RPS6KA2: variants seen among roughly 807,000 people sequenced by gnomAD.
The protein encoded by RPS6KA2 is ribosomal protein S6 kinase A2, also known as ribosomal protein S6 kinase alpha-2.
RPS6KA2 carries 42 observed loss-of-function variants against 91.8 expected under a neutral mutation model. The observed-to-expected ratio is 0.46, with a 90% CI of 0.36 to 0.59. The LOEUF (loss-of-function observed/expected upper bound fraction) is 0.59, where lower values mean the gene tolerates loss of function less well. Ranked by LOEUF, RPS6KA2 falls within the 20% of genes least tolerant of loss-of-function variation. The pLI, the probability that RPS6KA2 is intolerant of heterozygous loss-of-function variation, is 0.00. For missense variants in RPS6KA2, 798 were observed against 978.5 expected, an observed-to-expected ratio of 0.82 and a Z score of 2.46; for synonymous variants, 414 against 393.6, an observed-to-expected ratio of 1.05 and a Z score of -0.61.
intron 2 of RPS6KA2, among the ~76,000 whole-genome samples, chr6:166,791,260 G>A (rs1221239441): frequency 6.6e-6 from 1 of 152,126 alleles, no homozygotes; most frequent in Non-Finnish European, 1.5e-5. Context: ...GATCAAAAGA[G>A]ACAATGAAGG....
intron 2 of RPS6KA2, among the ~76,000 whole-genome samples, chr6:166,837,374 T>G (rs896366099): frequency 2.6e-5 from 4 of 152,204 alleles, no homozygotes; most frequent in African/African-American, 9.7e-5. Context: ...AGGCTCACTG[T>G]GGAGCAGGGG....
intron 1 of RPS6KA2, among the ~76,000 whole-genome samples, chr6:166,550,515 T>C (rs1441403845): frequency 2.0e-5 from 3 of 152,200 alleles, no homozygotes; most frequent in Non-Finnish European, 4.4e-5. Flanking sequence ...ATTCCTCCCG[T>C]GCATGAACAT....
chr6:166,737,616 G>A lies in RPS6KA2; in HGVS notation c.123+120584C>T, dbSNP rs1232234121. ...GGAAACTACTACTGACTCCTTTTAAGCTTCTAAGACATTCACTGAGGGGCC... is the reference window on the plus strand; with the variant it reads ...GGAAACTACTACTGACTCCTTTTAAACTTCTAAGACATTCACTGAGGGGCC... On this transcript the variant is annotated intron_variant, in intron 2 of 21. Transcript: ENST00000503859. The surrounding 1 kb of genome is among the most constrained non-coding windows in gnomAD (Gnocchi z 4.3). Among the ~76,000 whole-genome samples, 2 of 152,112 alleles carry A rather than the reference G, an allele frequency of 1.3e-5. No individual in the cohort carries two copies.
chr6:166,773,249 G>C (rs73035537), intron 2 of RPS6KA2, among the ~76,000 whole-genome samples: 17 of 152,320 alleles, frequency 1.1e-4, no homozygotes, highest in Admixed American at 1.0e-3. Flanking sequence ...GGCAGGGAAG[G>C]GGGTGAGGAG....
At chr6:166,481,695 G>A (rs573789762) in intron 10 of RPS6KA2, among the ~76,000 whole-genome samples, 5 of 151,772 alleles carry the variant, frequency 3.3e-5, no homozygotes, top group East Asian at 2.0e-4. Flanking sequence ...GCTGCAGCGC[G>A]GAGAGCTCTG....
intron 2 of RPS6KA2, among the ~76,000 whole-genome samples, chr6:166,695,146 A>G (rs1789320649): frequency 6.6e-6 from 1 of 152,204 alleles, no homozygotes; most frequent in Non-Finnish European, 1.5e-5. Flanking sequence ...GTGAGTTGCT[A>G]TGCGAATGGA....
chr6:166,469,353 C>T (rs563579755), intron 11 of RPS6KA2, among the ~76,000 whole-genome samples: 2 of 132,008 alleles, frequency 1.5e-5, no homozygotes, highest in African/African-American at 6.2e-5. Flanking sequence ...TTAAATGTGA[C>T]TTCCACGTGG....
intron 2 of RPS6KA2, among the ~76,000 whole-genome samples, chr6:166,715,697 C>T (rs902669859): frequency 1.3e-5 from 2 of 152,278 alleles, no homozygotes; most frequent in African/African-American, 2.4e-5. Flanking sequence ...CACACGGCTG[C>T]GCTGAACACT....
intron 2 of RPS6KA2, chr6:166,701,559 C>T (rs1451252283): frequency 6.9e-7 from 1 of 1,456,046 alleles, no homozygotes; most frequent in Non-Finnish European, 9.6e-7. Context: ...TGTGCTGGCC[C>T]TGCTTGCTGA....
intron 2 of RPS6KA2, among the ~76,000 whole-genome samples, chr6:166,691,165 G>A (rs1490196636): frequency 6.6e-6 from 1 of 152,064 alleles, no homozygotes; most frequent in East Asian, 1.9e-4. Context: ...ACCTGACTCT[G>A]CCATCTGATT....
At chr6:166,485,771 C>G (rs1450357727) in intron 10 of RPS6KA2, among the ~76,000 whole-genome samples, 1 of 152,216 alleles carries the variant, frequency 6.6e-6, no homozygotes, top group Non-Finnish European at 1.5e-5. Flanking sequence ...TTTGGGAAAA[C>G]TGCAGTGAAA....
At chr6:166,861,486 A>C (rs1781045297) in intron 1 of RPS6KA2, among the ~76,000 whole-genome samples, 1 of 152,268 alleles carries the variant, frequency 6.6e-6, no homozygotes, top group African/African-American at 2.4e-5. Flanking sequence ...TCCCCAGGGA[A>C]GCATGGAGTG....
chr6:166,851,014 C>T (rs1780725434), intron 2 of RPS6KA2, among the ~76,000 whole-genome samples: 1 of 152,158 alleles, frequency 6.6e-6, no homozygotes, highest in Admixed American at 6.5e-5. Context: ...GTAGAAAAAG[C>T]CTTTGTTTGA....
At chr6:166,591,409 C>T (rs1441105971) in intron 1 of RPS6KA2, among the ~76,000 whole-genome samples, 1 of 152,132 alleles carries the variant, frequency 6.6e-6, no homozygotes, top group African/African-American at 2.4e-5. Context: ...TGTTGCATGT[C>T]TTGACTTGGA....
At chr6:166,624,872 T>C (rs1165938750) in intron 1 of RPS6KA2, among the ~76,000 whole-genome samples, 1 of 151,962 alleles carries the variant, frequency 6.6e-6, no homozygotes, top group Non-Finnish European at 1.5e-5. Flanking sequence ...TCTCGCTCTC[T>C]CGCCAGGCTG....
chr6:166,689,808 T>C lies in RPS6KA2; in HGVS notation c.124-151024A>G, dbSNP rs368882391. Among the ~76,000 whole-genome samples, 29 of 152,208 alleles carry C rather than the reference T, an allele frequency of 1.9e-4. 1 individual carries two copies. Among genetic ancestry groups the C allele is most frequent in the East Asian group, 9.6e-4 (5 of 5,200 alleles). ...ACTGGTGGAAGCAGCTCTGTGCCCATGAGGGTTCTGCTCTGCAAGGCTCTG... is the reference window on the plus strand; with the variant it reads ...ACTGGTGGAAGCAGCTCTGTGCCCACGAGGGTTCTGCTCTGCAAGGCTCTG... On this transcript the variant is annotated intron_variant, in intron 2 of 21. Coordinates refer to the RPS6KA2 transcript ENST00000503859.
intron 2 of RPS6KA2, among the ~76,000 whole-genome samples, chr6:166,833,512 C>A (rs370561325): frequency 6.6e-5 from 10 of 152,206 alleles, no homozygotes; most frequent in African/African-American, 1.9e-4. Context: ...AGGCATGGCA[C>A]ATCTCCCTGC....
At position 166,555,404 on chromosome 6, in the gene RPS6KA2, A is replaced by G. The variant is rs542626042; in HGVS notation, c.100-16620T>C. Among the ~76,000 whole-genome samples the G allele has an allele frequency of 4.6e-5, 7 of 152,310 alleles. No homozygotes were observed. The South Asian group carries it at 1.5e-3, about 32-fold the overall frequency. On this transcript the variant is annotated intron_variant, in intron 1 of 20. Transcript: ENST00000265678. ...AGATGTTTTTCAGACCCTGAATTCC[A>G]GCAACCAGTTTGAAGACCCCCACAG... is the stretch of plus-strand genomic sequence containing the variant.
chr6:166,650,962 C>T (rs1582987027), intron 2 of RPS6KA2, among the ~76,000 whole-genome samples: 1 of 152,126 alleles, frequency 6.6e-6, no homozygotes, highest in East Asian at 1.9e-4. Context: ...GTTTTCAGCA[C>T]CTAAAATTAT....
Sources: gnomAD v4.1 joint callset for allele counts (sites outside exome capture counted in the v4.1 genomes callset) on GRCh38, gnomAD v4.1.1 for gene constraint, Gnocchi (gnomAD v3.1) non-coding constraint, MANE v1.5 for transcripts, NCBI Gene and HGNC (gene_info 2026-07-23, HGNC 2026-07-21) for gene names.